The following CADPS variants were observed in gnomAD, a reference collection of about 807,000 sequenced individuals.
The protein encoded by CADPS is calcium-dependent secretion activator 1.
CADPS carries 57 observed loss-of-function variants against 167.3 expected under a neutral mutation model. The observed-to-expected ratio is 0.34, with a 90% CI of 0.28 to 0.42. The LOEUF (loss-of-function observed/expected upper bound fraction) is 0.42, where lower values mean the gene tolerates loss of function less well. Ranked by LOEUF, CADPS falls within the 20% of genes least tolerant of loss-of-function variation. The pLI, the probability that CADPS is intolerant of heterozygous loss-of-function variation, is 1.00. For missense variants in CADPS, 1,414 were observed against 1,738.1 expected (o/e 0.81, Z 3.32); for synonymous variants, 676 against 635.3 (o/e 1.06, Z -0.96).
rs912132946 is a variant in CADPS at position 62,458,444 on chromosome 3, A to C, written c.3636+6923T>G. On this transcript the variant is annotated intron_variant, in intron 26 of 29. Coordinates refer to ENST00000383710, the MANE Select transcript of CADPS (RefSeq NM_003716.4). The surrounding 1 kb of genome is among the most constrained non-coding windows in gnomAD (Gnocchi z 4.6). ...AGAATCTATAATTAATTTCATGACA[A>C]CTATTTCCTGTTTGAAGCCATGTAC... is the stretch of plus-strand genomic sequence containing the variant. Among the ~76,000 whole-genome samples the C allele has an allele frequency of 2.0e-5, 3 of 152,180 alleles. No individual in the cohort carries two copies. Among genetic ancestry groups the C allele is most frequent in the Non-Finnish European group, 4.4e-5 (3 of 68,032 alleles).
intron 3 of CADPS, among the ~76,000 whole-genome samples, chr3:62,750,353 CAAAAAAAAAA>C (rs56069272): frequency 5.1e-4 from 23 of 44,896 alleles, no homozygotes; most frequent in African/African-American, 1.6e-3. Context: ...TCTTAAGCTC[CAAAAAAAAAA>C]AAAAAAAAAA....
intron 6 of CADPS, among the ~76,000 whole-genome samples, chr3:62,613,525 G>A (rs551715567): frequency 6.6e-6 from 1 of 152,298 alleles, no homozygotes; most frequent in East Asian, 1.9e-4. Flanking sequence ...AGATTTTCAA[G>A]AGGGGCCACA....
At chr3:62,548,754 T>A (rs1264890487) in intron 11 of CADPS, among the ~76,000 whole-genome samples, 1 of 152,248 alleles carries the variant, frequency 6.6e-6, no homozygotes, top group Non-Finnish European at 1.5e-5. Context: ...TTCCTTCAGC[T>A]GCAATTCTCT....
intron 1 of CADPS, among the ~76,000 whole-genome samples, chr3:62,823,727 G>A (rs952043093): frequency 3.3e-5 from 5 of 152,062 alleles, no homozygotes; most frequent in African/African-American, 9.7e-5. Flanking sequence ...CATTTATTCC[G>A]GTGCACTGAA....
At chr3:62,636,592 T>C (rs9861841) in intron 6 of CADPS, among the ~76,000 whole-genome samples, 128,335 of 152,014 alleles carry the variant, frequency 0.84, 54,183 homozygotes, top group East Asian at 0.9. Flanking sequence ...CATCTGCACC[T>C]TTATAGTGAA....
At chr3:62,484,829 G>T (rs893459903) in intron 21 of CADPS, among the ~76,000 whole-genome samples, 1 of 152,154 alleles carries the variant, frequency 6.6e-6, no homozygotes, top group Non-Finnish European at 1.5e-5. Context: ...TATGGATGGG[G>T]TTGTATTTAA....
chr3:62,562,981 G>C (rs1481575166), intron 9 of CADPS, among the ~76,000 whole-genome samples: 1 of 152,200 alleles, frequency 6.6e-6, no homozygotes, highest in Non-Finnish European at 1.5e-5. Flanking sequence ...TCATGCCTGA[G>C]GGTGAAGTCA....
In CADPS at chr3:62,544,105, A is replaced by T. The variant is rs1055007162; in HGVS notation, c.1966+5798T>A. Among the ~76,000 whole-genome samples, 2 of 152,048 alleles carry T rather than the reference A, an allele frequency of 1.3e-5. No homozygotes were observed. The highest frequency in any genetic ancestry group is 6.6e-5 in the Admixed American group (1 of 15,256). On this transcript the variant is annotated intron_variant, in intron 11 of 29. Coordinates refer to ENST00000383710, the MANE Select transcript of CADPS (RefSeq NM_003716.4). This position sits in a 1 kb window ranked among gnomAD's most constrained non-coding sequence, Gnocchi z 4.4. ...TTGGCATTGTAAGACTGTGAATCCA[A>T]AGCATTTGTAAATGAGTGACATGGA... is the stretch of plus-strand genomic sequence containing the variant.
At chr3:62,666,084 G>A (rs116024307) in intron 3 of CADPS, among the ~76,000 whole-genome samples, 2,179 of 152,302 alleles carry the variant, frequency 0.014, 57 homozygotes, top group African/African-American at 0.049. Flanking sequence ...GTGTCGGTCT[G>A]ACAGTCTGTG....
chr3:62,596,819 G>A (rs553506517), intron 6 of CADPS, among the ~76,000 whole-genome samples: 6 of 152,126 alleles, frequency 3.9e-5, no homozygotes, highest in Non-Finnish European at 8.8e-5. Context: ...CTACTACACA[G>A]ATGAATGGTA....
At chr3:62,867,248 G>C (rs1054509679) in intron 1 of CADPS, among the ~76,000 whole-genome samples, 8 of 151,992 alleles carry the variant, frequency 5.3e-5, no homozygotes, top group Non-Finnish European at 1.0e-4. Flanking sequence ...ATGATAACGA[G>C]CATAGTGCCT....
chr3:62,431,215 A>G (rs1413007081), intron 28 of CADPS, among the ~76,000 whole-genome samples: 1 of 152,188 alleles, frequency 6.6e-6, no homozygotes, highest in Non-Finnish European at 1.5e-5. Flanking sequence ...TGTGTGTGTC[A>G]AAGTCACCAG....
At chr3:62,757,888 C>T (rs147380188) in intron 2 of CADPS, among the ~76,000 whole-genome samples, 9 of 152,254 alleles carry the variant, frequency 5.9e-5, no homozygotes, top group African/African-American at 2.2e-4. Context: ...TGGGAACTCG[C>T]CTTTATAAAA....
intron 6 of CADPS, among the ~76,000 whole-genome samples, chr3:62,618,556 C>G (rs1003404446): frequency 1.7e-4 from 26 of 152,112 alleles, no homozygotes; most frequent in Non-Finnish European, 2.9e-4. Context: ...ACTAGTAAAG[C>G]AGAGCCCCGC....
intron 1 of CADPS, among the ~76,000 whole-genome samples, chr3:62,789,638 C>T (rs777436862): frequency 2.6e-5 from 4 of 152,126 alleles, no homozygotes; most frequent in Admixed American, 6.6e-5. Flanking sequence ...ACACTGAACA[C>T]GTTCCAGAGA....
intron 1 of CADPS, among the ~76,000 whole-genome samples, chr3:62,768,537 A>G (rs2087572621): frequency 6.6e-6 from 1 of 152,166 alleles, no homozygotes; most frequent in Non-Finnish European, 1.5e-5. Context: ...CATGGTGCTC[A>G]TTTAGTTAAG....
rs2083279616 is a variant in CADPS, at chr3:62,874,457, A to G, written c.441+132T>C. On this transcript the variant is annotated intron_variant, in intron 1 of 29. Transcript: ENST00000383710. The surrounding 1 kb of genome is among the most constrained non-coding windows in gnomAD (Gnocchi z 7.1). Reference sequence around the variant, plus strand: ...CCCGGCCGCTGGGAGGGGGCCTCGTAGCCCTTTCCCCAGGGCGCGGTCTCC... The same window carrying G: ...CCCGGCCGCTGGGAGGGGGCCTCGTGGCCCTTTCCCCAGGGCGCGGTCTCC... 7.4e-6 allele frequency: 5 copies of G among 678,036 alleles called. No individual in the cohort carries two copies. The highest frequency in any genetic ancestry group is 9.9e-6 in the Non-Finnish European group (4 of 405,836). 42.0% of individuals were successfully genotyped at this position (678,036 alleles called of 1,614,324 possible). A position where few individuals can be genotyped will look rare whatever the true frequency, so the allele number is the denominator to read the frequency against.
At chr3:62,512,814 A>G (rs1403122599) in intron 16 of CADPS, 46 bp from the exon 17 acceptor site, 1 of 1,555,548 alleles carries the variant, frequency 6.4e-7, no homozygotes, top group Admixed American at 1.7e-5. Context: ...GAGAGAAACA[A>G]GAACACATAT....
At position 62,466,343 on chromosome 3, in the gene CADPS, G is replaced by A; in HGVS notation, c.3548C>T (p.Ala1183Val). The change falls in exon 25 of 30, where the codon GCA (alanine) becomes GTA (valine). Residue 1183 changes from alanine (A) to valine (V), a missense_variant. Physicochemically the swap from Ala to Val is moderately conservative, Grantham distance 64. Transcript: ENST00000383710. The stretch of plus-strand genomic sequence containing the variant: ...TCACCTGAAGCTGGAGGTTACCTTT[G>A]CAACCAAGAGTGTTATCATTTCTTT... ...TVKEMITLLV[A>V]KFVTILEGVL... The A allele has an allele frequency of 1.2e-6, 2 of 1,607,436 alleles. No homozygotes were observed. The highest frequency in any genetic ancestry group is 1.7e-6 in the Non-Finnish European group (2 of 1,174,004).
Sources: allele counts gnomAD v4.1 joint callset (sites outside exome capture counted in the v4.1 genomes callset), GRCh38; gene constraint gnomAD v4.1.1; non-coding constraint Gnocchi (gnomAD v3.1); transcripts MANE v1.5; gene names NCBI Gene and HGNC (gene_info 2026-07-23, HGNC 2026-07-21).